PGAP4: variants seen among roughly 807,000 people sequenced by gnomAD.
PGAP4 encodes the protein GPI-N-acetylgalactosamine transferase PGAP4.
Under a neutral mutation model 28.2 loss-of-function variants are expected in PGAP4, and 12 were observed. That is an observed-to-expected ratio of 0.42 (90% CI 0.27 to 0.69). PGAP4 has a LOEUF of 0.69. Among genes scored for constraint, PGAP4 ranks in the 30% least tolerant of loss-of-function variants. The probability of loss-of-function intolerance (pLI) is 0.22; values close to 1 mark genes in which losing one functional copy is unlikely to be tolerated. For missense variants in PGAP4, 425 were observed against 513.5 expected, an observed-to-expected ratio of 0.83 and a Z score of 1.67; for synonymous variants, 205 against 211.8, an observed-to-expected ratio of 0.97 and a Z score of 0.28.
At chr9:101,481,117 G>A (rs1337332842) in intron 1 of PGAP4, among the ~76,000 whole-genome samples, 4 of 152,178 alleles carry the variant, frequency 2.6e-5, no homozygotes, top group Admixed American at 2.6e-4. Flanking sequence ...GGTCGAGGCC[G>A]CAGTGAGCTG....
At chr9:101,504,943 T>G (rs2118598647) in intron 2 of PGAP4, among the ~76,000 whole-genome samples, 1 of 152,162 alleles carries the variant, frequency 6.6e-6, no homozygotes, top group East Asian at 1.9e-4. Context: ...TATGTTAGGA[T>G]AAGTTGGTCA....
intron 2 of PGAP4, among the ~76,000 whole-genome samples, chr9:101,530,393 A>C (rs1827078355): frequency 6.6e-6 from 1 of 152,262 alleles, no homozygotes; most frequent in Non-Finnish European, 1.5e-5. Flanking sequence ...TTTGAAAAAA[A>C]AAATCACTTA....
chr9:101,529,153 C>CTTTT (rs36069212), intron 2 of PGAP4, among the ~76,000 whole-genome samples: 1 of 130,514 alleles, frequency 7.7e-6, no homozygotes. Flanking sequence ...TGTCTCTCGG[C>CTTTT]TTTTTTTTTT....
rs145451126 is a variant in PGAP4, at chr9:101,530,261, A to G, written c.-165+1087T>C. 7.6e-4 allele frequency among the ~76,000 whole-genome samples: 116 copies of G among 152,350 alleles called. 1 individual carries two copies. The East Asian group carries it at 0.013, about 17-fold the overall frequency. ...AGTACTGTGCAACCAAAGCTTTAGA[A>G]AGGGAACTGGGTAAAGAGGCGTGTC... On this transcript the variant is annotated intron_variant, in intron 2 of 3. Transcript: ENST00000374851.
In PGAP4 at chr9:101,475,986, C is replaced by T; in HGVS notation, c.1107G>A (p.Leu369=). The T allele has an allele frequency of 1.2e-6, 2 of 1,614,214 alleles. No homozygotes were observed. Among genetic ancestry groups the T allele is most frequent in the Non-Finnish European group, 1.7e-6 (2 of 1,180,042 alleles). The change falls in exon 2 of 2, where the codon CTG becomes CTA. Residue 369 remains leucine, a synonymous_variant. Coordinates refer to ENST00000374848, the MANE Select transcript of PGAP4 (RefSeq NM_032342.3). ...GFGKDMALYS[L]LRAKGERAYV... The stretch of plus-strand genomic sequence containing the variant: ...AGGCCCTCTCTCCCTTGGCCCTCAA[C>T]AGCGAGTACAGTGCCATGTCCTTGC...
chr9:101,490,343 C>G (rs1477213219), upstream of PGAP4, among the ~76,000 whole-genome samples: 1 of 152,114 alleles, frequency 6.6e-6, no homozygotes, highest in South Asian at 2.1e-4. Context: ...GCACATACCA[C>G]CATGCCCAGC....
Position 101,486,275 on chromosome 9 carries a change from G to T in PGAP4, c.-78+674C>A, listed in dbSNP as rs1025410195. Among the ~76,000 whole-genome samples, 1 of 152,172 alleles carries T rather than the reference G, an allele frequency of 6.6e-6. No homozygotes were observed. Among genetic ancestry groups the T allele is most frequent in the Admixed American group, 6.5e-5 (1 of 15,280 alleles). On this transcript the variant is annotated intron_variant, in intron 1 of 1. Transcript: ENST00000374848. This position sits in a 1 kb window ranked among gnomAD's most constrained non-coding sequence, Gnocchi z 4.7. Reference sequence around the variant, plus strand: ...GCTGACCTTGGGCAGTCCCTGCCACGCTTGAGCCTCAGTTTCCCACCCGTA... The same window carrying T: ...GCTGACCTTGGGCAGTCCCTGCCACTCTTGAGCCTCAGTTTCCCACCCGTA...
chr9:101,480,556 A>T (rs1390430318), intron 1 of PGAP4: 1 of 152,258 alleles, frequency 6.6e-6, no homozygotes, highest in Non-Finnish European at 1.5e-5. Flanking sequence ...GTGCCAAAAG[A>T]TACATGGCCA....
At chr9:101,512,804 G>GA (rs1286783914) in intron 2 of PGAP4, among the ~76,000 whole-genome samples, 2 of 152,218 alleles carry the variant, frequency 1.3e-5, no homozygotes, top group African/African-American at 4.8e-5. Context: ...ATTTAAGGGG[G>GA]AAATATTTGC....
intron 2 of PGAP4, among the ~76,000 whole-genome samples, chr9:101,506,331 C>G (rs1038157098): frequency 6.6e-6 from 1 of 152,082 alleles, no homozygotes; most frequent in Non-Finnish European, 1.5e-5. Context: ...TACAAGATAG[C>G]CTTTCTCTTG....
intron 1 of PGAP4, chr9:101,481,431 C>T (rs1171762544): frequency 6.6e-6 from 1 of 152,244 alleles, no homozygotes; most frequent in Non-Finnish European, 1.5e-5. Flanking sequence ...TGACTGGCAC[C>T]TATGAGCTGA....
chr9:101,504,232 T>G (rs866643515), intron 2 of PGAP4, among the ~76,000 whole-genome samples: 2,054 of 142,286 alleles, frequency 0.014, 51 homozygotes, highest in Non-Finnish European at 0.025. Context: ...TTTTTTTTTT[T>G]TTTTTGGTTG....
In PGAP4 at chr9:101,474,361, A is replaced by T. The variant is rs532840545; in HGVS notation, c.*1520T>A. ...CGAAACAAACTGGACAATTGCTTGA[A>T]CTCTAATATCATCATCCATCCTCAT... is the stretch of plus-strand genomic sequence containing the variant. On this transcript the variant is annotated 3_prime_UTR_variant, in exon 2 of 2. Transcript: ENST00000374848. 6 of 152,190 alleles carry T rather than the reference A, an allele frequency of 3.9e-5. No individual in the cohort carries two copies. Among genetic ancestry groups the T allele is most frequent in the African/African-American group, 1.4e-4 (6 of 41,512 alleles). The allele number at this position is 152,190 out of a possible 1,614,324, so 9.4% of individuals were successfully genotyped here.
chr9:101,479,096 G>A (rs1588195191), intron 1 of PGAP4, among the ~76,000 whole-genome samples: 1 of 143,096 alleles, frequency 7.0e-6, no homozygotes, highest in Non-Finnish European at 1.5e-5. Flanking sequence ...AGCAAGGAGA[G>A]GTTTGAATTA....
intron 2 of PGAP4, among the ~76,000 whole-genome samples, chr9:101,492,381 AC>A (rs1398743121): frequency 6.6e-6 from 1 of 152,078 alleles, no homozygotes; most frequent in African/African-American, 2.4e-5. Flanking sequence ...TTTAGTAGAG[AC>A]CAGGTTTCAC....
chr9:101,505,488 T>C (rs1223152792), intron 2 of PGAP4, among the ~76,000 whole-genome samples: 1 of 152,122 alleles, frequency 6.6e-6, no homozygotes, highest in Non-Finnish European at 1.5e-5. Context: ...ATAGGAGTCC[T>C]ACTGCCCCTC....
exon 2 of PGAP4, chr9:101,531,451 G>T (rs1462657623): frequency 6.6e-6 from 1 of 152,146 alleles, no homozygotes; most frequent in African/African-American, 2.4e-5. Context: ...TCAGTTGATT[G>T]GCTCCATTTC....
At chr9:101,502,080 AACACAT>A (rs1193860104) in intron 2 of PGAP4, among the ~76,000 whole-genome samples, 2 of 152,070 alleles carry the variant, frequency 1.3e-5, no homozygotes, top group East Asian at 3.9e-4. Context: ...AAAAATACCA[AACACAT>A]CTCAGGGTAG....
At chr9:101,508,821 T>C (rs1225481721) in intron 2 of PGAP4, among the ~76,000 whole-genome samples, 1 of 152,154 alleles carries the variant, frequency 6.6e-6, no homozygotes, top group African/African-American at 2.4e-5. Context: ...TAGATGGCCC[T>C]ATCTGAGGGT....
Sources: allele counts gnomAD v4.1 joint callset (sites outside exome capture counted in the v4.1 genomes callset), GRCh38; gene constraint gnomAD v4.1.1; non-coding constraint Gnocchi (gnomAD v3.1); transcripts MANE v1.5; gene names NCBI Gene and HGNC (gene_info 2026-07-23, HGNC 2026-07-21).